SPEG: variants seen among roughly 807,000 people sequenced by gnomAD.
SPEG encodes the protein striated muscle enriched protein kinase.
SPEG carries 114 observed loss-of-function variants against 300.4 expected under a neutral mutation model. The ratio of observed to expected loss-of-function variants is 0.38; its 90% confidence interval spans 0.33 to 0.44. The LOEUF (loss-of-function observed/expected upper bound fraction) is 0.44, where lower values mean the gene tolerates loss of function less well. Ranked by LOEUF, SPEG falls within the 20% of genes least tolerant of loss-of-function variation. The pLI is 1.00. For missense variants in SPEG, 4,201 were observed against 4,586.2 expected, an observed-to-expected ratio of 0.92 and a Z score of 2.43; for synonymous variants, 1,964 against 2,018.9, an observed-to-expected ratio of 0.97 and a Z score of 0.73.
Position 219,484,274 on chromosome 2 carries a change from G to A in SPEG, c.6811G>A (p.Glu2271Lys). ...PSQGPAAPPSEPKPHAAVFAR... is the reference protein window; with the variant it reads ...PSQGPAAPPSKPKPHAAVFAR... Reference sequence around the variant, plus strand: ...GCAGGGCCCTGCCGCGCCGCCTTCAGAGCCCAAGCCCCACGCTGCTGTCTT... The same window carrying A: ...GCAGGGCCCTGCCGCGCCGCCTTCAAAGCCCAAGCCCCACGCTGCTGTCTT... The change falls in exon 30 of 41, where the codon GAG becomes AAG. Residue 2271 changes from glutamate (E) to lysine (K), a missense_variant. By Grantham distance (56) the Glu-to-Lys change is moderately conservative. Transcript: ENST00000312358. The A allele has an allele frequency of 6.2e-7, 1 of 1,609,068 alleles. No homozygotes were observed. The highest frequency in any genetic ancestry group is 1.1e-5 in the South Asian group (1 of 91,030).
intron 6 of SPEG, among the ~76,000 whole-genome samples, chr2:219,460,140 G>A (rs758526273): frequency 2.0e-5 from 3 of 152,220 alleles, no homozygotes; most frequent in Non-Finnish European, 2.9e-5. Context: ...GTGCCCTGGC[G>A]GTTTGGGTAG....
chr2:219,435,503 C>T (rs371867665), intron 1 of SPEG, 138 bp downstream of exon 1: 10 of 1,012,404 alleles, frequency 9.9e-6, no homozygotes, highest in South Asian at 1.9e-5. Context: ...CTCGGCTGCC[C>T]GGCCCCAGAA....
At position 219,473,388 on chromosome 2, in the gene SPEG, A is replaced by C; in HGVS notation, c.4148-116A>C. ...AAATCGCTAAACCTCTCTGAGCTTCAGCTTTCCCATCTGTAAAAACGGAAC... is the reference window on the plus strand; with the variant it reads ...AAATCGCTAAACCTCTCTGAGCTTCCGCTTTCCCATCTGTAAAAACGGAAC... On this transcript the variant is annotated intron_variant, in intron 16 of 40. Transcript: ENST00000312358. The surrounding 1 kb of genome is among the most constrained non-coding windows in gnomAD (Gnocchi z 4.6). 9.5e-7 allele frequency: 1 copy of C among 1,058,030 alleles called. No individual in the cohort carries two copies. The allele number at this position is 1,058,030 out of a possible 1,614,324, so 65.5% of individuals were successfully genotyped here. A position where few individuals can be genotyped will look rare whatever the true frequency, so the allele number is the denominator to read the frequency against.
chr2:219,466,102 G>A (rs1184753245), intron 9 of SPEG: 8 of 1,592,704 alleles, frequency 5.0e-6, no homozygotes, highest in African/African-American at 4.0e-5. Context: ...GCTACCCTCC[G>A]AGCCGCGCCC....
Position 219,451,362 on chromosome 2 carries a change from T to A in SPEG, c.2257+83T>A. 4 of 1,490,568 alleles carry A rather than the reference T, an allele frequency of 2.7e-6. No homozygotes were observed. The highest frequency in any genetic ancestry group is 3.6e-6 in the Non-Finnish European group (4 of 1,118,076). 92.3% of individuals were successfully genotyped at this position (1,490,568 alleles called of 1,614,324 possible). A position where few individuals can be genotyped will look rare whatever the true frequency, so the allele number is the denominator to read the frequency against. ...GGAAGGGGAGGTTCCCCCGGACTCC[T>A]CCAAGGGAGGGGTGGGAAAGAGGGG... On this transcript the variant is annotated intron_variant, in intron 5 of 40. Transcript: ENST00000312358. This position sits in a 1 kb window ranked among gnomAD's most constrained non-coding sequence, Gnocchi z 6.4.
chr2:219,472,294 C>T lies in SPEG; in HGVS notation c.3903C>T (p.Leu1301=), dbSNP rs926016506. Reference sequence around the variant, plus strand: ...CTGTGACGGGGAGGATGGTCACACTCACATGGAACCCCCCCAGGAGTCTGG... The same window carrying T: ...CTGTGACGGGGAGGATGGTCACACTTACATGGAACCCCCCCAGGAGTCTGG... ...VVAVTGRMVT[L]TWNPPRSLDM... is the part of the protein sequence containing the mutation. The change falls in exon 15 of 41, where the codon CTC becomes CTT. Residue 1301 remains leucine, a synonymous_variant. Coordinates refer to ENST00000312358, the MANE Select transcript of SPEG (RefSeq NM_005876.5). The T allele has an allele frequency of 6.2e-6, 10 of 1,613,840 alleles. No individual in the cohort carries two copies. The highest frequency in any genetic ancestry group is 8.5e-6 in the Non-Finnish European group (10 of 1,180,008).
Position 219,490,842 on chromosome 2 carries a change from C to A in SPEG, c.9271C>A (p.Leu3091Met), listed in dbSNP as rs749508990. The change falls in exon 38 of 41, where the codon CTG becomes ATG. Residue 3091 changes from leucine (L) to methionine (M), a missense_variant. Physicochemically the swap from Leu to Met is conservative, Grantham distance 15. Coordinates refer to ENST00000312358, the MANE Select transcript of SPEG (RefSeq NM_005876.5). ...VLHLDIKPDN[L>M]LLAPDNALKI... Reference sequence around the variant, plus strand: ...CCACCTAGACATCAAGCCAGACAACCTGCTGCTGGCCCCTGACAATGCCCT... The same window carrying A: ...CCACCTAGACATCAAGCCAGACAACATGCTGCTGGCCCCTGACAATGCCCT... 6.2e-7 allele frequency: 1 copy of A among 1,614,086 alleles called. No individual in the cohort carries two copies. The highest frequency in any genetic ancestry group is 8.5e-7 in the Non-Finnish European group (1 of 1,180,038).
chr2:219,448,911 G>A lies in SPEG; in HGVS notation c.1753G>A (p.Gly585Ser), dbSNP rs200066956. Residue 585 changes from glycine (G) to serine (S), a missense_variant, in exon 4 of 41, where the codon GGC becomes AGC. Physicochemically the swap from Gly to Ser is moderately conservative, Grantham distance 56. This residue lies in a region of SPEG where 1,258 missense variants were observed against 1,293.9 expected (regional missense o/e 0.97). Transcript: ENST00000312358. The part of the protein sequence containing the change: ...GPAGRTEPGE[G>S]PQQEVRRRDQ... ...GGCGGGCAGGACAGAGCCGGGGGAA[G>A]GCCCGCAGCAGGAGGTTAGGCGTCG... 2,418 of 1,463,852 alleles carry A rather than the reference G, an allele frequency of 1.7e-3. 1 individual carries two copies. Among genetic ancestry groups the A allele is most frequent in the Non-Finnish European group, 1.9e-3 (2,075 of 1,113,888 alleles). The allele number at this position is 1,463,852 out of a possible 1,614,324, so 90.7% of individuals were successfully genotyped here. A position where few individuals can be genotyped will look rare whatever the true frequency, so the allele number is the denominator to read the frequency against.
At chr2:219,466,061 G>T (rs772335243) in intron 9 of SPEG, 3 of 1,604,454 alleles carry the variant, frequency 1.9e-6, no homozygotes, top group Non-Finnish European at 2.5e-6. Flanking sequence ...ACACAGGCGA[G>T]TGAGCTCAGG....
At chr2:219,465,636 G>A (rs536736768) in intron 9 of SPEG, 3 of 262,832 alleles carry the variant, frequency 1.1e-5, no homozygotes, top group South Asian at 1.0e-4. Flanking sequence ...CTGGTTGCCC[G>A]GGGTCTCTGC....
chr2:219,457,583 A>G (rs1350389002), intron 6 of SPEG, among the ~76,000 whole-genome samples: 1 of 152,220 alleles, frequency 6.6e-6, no homozygotes, highest in Non-Finnish European at 1.5e-5. Flanking sequence ...GACTGTCTCA[A>G]AACAAAAGCA....
chr2:219,476,943 G>A lies in SPEG; in HGVS notation c.4521G>A (p.Val1507=). 1 of 1,612,860 alleles carries A rather than the reference G, an allele frequency of 6.2e-7. No individual in the cohort carries two copies. The highest frequency in any genetic ancestry group is 8.5e-7 in the Non-Finnish European group (1 of 1,179,502). Residue 1507 remains valine, a synonymous_variant, in exon 19 of 41, where the codon GTG becomes GTA. Coordinates refer to ENST00000312358, the MANE Select transcript of SPEG (RefSeq NM_005876.5). ...GGGAAACTGCTCGCTTTGCGGTGGT[G>A]GTCGAGGGAAAACCACTGCCGGACA... The part of the protein sequence containing the change: ...GAGETARFAV[V]VEGKPLPDIM...
At position 219,474,785 on chromosome 2, in the gene SPEG, A is replaced by C. The variant is rs897752394; in HGVS notation, c.4447+882A>C. ...GACAGAGCCTCCCAATGTTTGCAGC[A>C]GCAAGGATTCTTTTTTTTTTTTTTT... On this transcript the variant is annotated intron_variant, in intron 18 of 40. Transcript: ENST00000312358. Among the ~76,000 whole-genome samples, 3 of 146,750 alleles carry C rather than the reference A, an allele frequency of 2.0e-5. No individual in the cohort carries two copies. The Admixed American group carries it at 2.1e-4, about 10-fold the overall frequency.
At position 219,449,134 on chromosome 2, in the gene SPEG, A is replaced by C; in HGVS notation, c.1976A>C (p.Lys659Thr). 1 of 1,445,772 alleles carries C rather than the reference A, an allele frequency of 6.9e-7. No homozygotes were observed. Among genetic ancestry groups the C allele is most frequent in the East Asian group, 2.9e-5 (1 of 34,270 alleles). 89.6% of individuals were successfully genotyped at this position (1,445,772 alleles called of 1,614,324 possible). A position where few individuals can be genotyped will look rare whatever the true frequency, so the allele number is the denominator to read the frequency against. The change falls in exon 4 of 41, where the codon AAG becomes ACG. Residue 659 changes from lysine to threonine, a missense_variant. Around this residue, in one of 4 missense-constraint regions of SPEG, gnomAD observed 1,258 missense variants for 1,293.9 expected, o/e 0.97. Coordinates refer to ENST00000312358, the MANE Select transcript of SPEG (RefSeq NM_005876.5). ...GCTGCTGTACCCCAGACCTTGGAGAAGAACAGGGCGGGGCCTGAGGCAGAG... is the reference window on the plus strand; with the variant it reads ...GCTGCTGTACCCCAGACCTTGGAGACGAACAGGGCGGGGCCTGAGGCAGAG... ...EGAAVPQTLE[K>T]NRAGPEAEKR...
Position 219,445,170 on chromosome 2 carries a change from C to T in SPEG, c.815+9C>T, listed in dbSNP as rs34619091. 1.4e-3 allele frequency: 2,225 copies of T among 1,560,336 alleles called. 16 individuals carry two copies. Among genetic ancestry groups the T allele is most frequent in the South Asian group, 9.6e-3 (816 of 84,844 alleles). On this transcript the variant is annotated intron_variant, in intron 3 of 40. Transcript: ENST00000312358. This position sits in a 1 kb window ranked among gnomAD's most constrained non-coding sequence, Gnocchi z 6.1. Reference sequence around the variant, plus strand: ...GCGCTCTCTATCCACGTGTAAGTAACGGCCTTACCTGGGCCTGAACTGCCC... The same window carrying T: ...GCGCTCTCTATCCACGTGTAAGTAATGGCCTTACCTGGGCCTGAACTGCCC...
chr2:219,483,410 G>A lies in SPEG; in HGVS notation c.5947G>A (p.Asp1983Asn), dbSNP rs1253335194. 1 of 1,586,346 alleles carries A rather than the reference G, an allele frequency of 6.3e-7. No homozygotes were observed. Among genetic ancestry groups the A allele is most frequent in the Non-Finnish European group, 8.5e-7 (1 of 1,172,450 alleles). The change falls in exon 30 of 41, where the codon GAC becomes AAC. Residue 1983 changes from aspartate to asparagine, a missense_variant. By Grantham distance (23) the Asp-to-Asn change is conservative. This residue lies in a region of SPEG where 1,578 missense variants were observed against 1,506.0 expected (regional missense o/e 1.05). Transcript: ENST00000312358. ...GGAGCAGGGAAGGGCTCCCTCTCAG[G>A]ACCAGGAGGCTCCCAGCCCAGAGGC... ...WQEQGRAPSQ[D>N]QEAPSPEALP...
At chr2:219,450,309 T>C (rs1689647281) in intron 4 of SPEG, among the ~76,000 whole-genome samples, 1 of 152,184 alleles carries the variant, frequency 6.6e-6, no homozygotes, top group Admixed American at 6.5e-5. Context: ...CCCTCCATCT[T>C]ACAGATAACA....
At chr2:219,471,392 C>G (rs1302027082) in intron 13 of SPEG, among the ~76,000 whole-genome samples, 1 of 152,110 alleles carries the variant, frequency 6.6e-6, no homozygotes, top group Non-Finnish European at 1.5e-5. Flanking sequence ...TTGCTGTCCT[C>G]CTGGAGGGCT....
intron 6 of SPEG, chr2:219,460,220 C>T: frequency 1.3e-6 from 1 of 785,000 alleles, no homozygotes; most frequent in Non-Finnish European, 1.5e-6. Flanking sequence ...GATGAGGGGG[C>T]AGAGGTGGGA....
Sources: allele counts gnomAD v4.1 joint callset (sites outside exome capture counted in the v4.1 genomes callset), GRCh38; gene constraint gnomAD v4.1.1; regional missense constraint gnomAD v4.1.1; non-coding constraint Gnocchi (gnomAD v3.1); transcripts MANE v1.5; gene names NCBI Gene and HGNC (gene_info 2026-07-23, HGNC 2026-07-21).